The following ERG variants were observed in gnomAD, a reference collection of about 807,000 sequenced individuals.
The protein encoded by ERG is transcriptional regulator ERG.
A neutral mutation model predicts 55.3 loss-of-function variants in ERG; 9 were observed. The ratio of observed to expected loss-of-function variants is 0.16; its 90% confidence interval spans 0.10 to 0.28. The LOEUF (loss-of-function observed/expected upper bound fraction) is 0.28. ERG is among the 10% of genes least tolerant of loss of function. The pLI is 1.00. For missense variants in ERG, 434 were observed against 631.6 expected (o/e 0.69, Z 3.35); for synonymous variants, 223 against 237.3 (o/e 0.94, Z 0.55).
rs73440492 is a variant in ERG at position 38,613,493 on chromosome 21, G to A, written c.-149-28548C>T. On this transcript the variant is annotated intron_variant, in intron 1 of 10. Coordinates refer to the ERG transcript ENST00000398910. ...CTTTGTTTGCAGTAGGTTGTTCATC[G>A]TTTTCATGAGAACATAAGGGCCCTC... is the stretch of plus-strand genomic sequence containing the variant. 8.6e-3 allele frequency among the ~76,000 whole-genome samples: 1,305 copies of A among 152,292 alleles called. 19 individuals carry two copies. Among genetic ancestry groups the A allele is most frequent in the African/African-American group, 0.029 (1,223 of 41,548 alleles).
intron 1 of ERG, among the ~76,000 whole-genome samples, chr21:38,637,198 A>G (rs766045981): frequency 6.6e-6 from 1 of 151,484 alleles, no homozygotes; most frequent in Non-Finnish European, 1.5e-5. Context: ...GTCTCCTGAA[A>G]TGTGTGTGTG....
chr21:38,481,514 G>A (rs1713195573), intron 1 of ERG, among the ~76,000 whole-genome samples: 1 of 152,076 alleles, frequency 6.6e-6, no homozygotes, highest in South Asian at 2.1e-4. Flanking sequence ...ATAATATGCT[G>A]GATAATCTTA....
chr21:38,369,436 A>G, the ERG span, among the ~76,000 whole-genome samples: 1 of 152,204 alleles, frequency 6.6e-6, no homozygotes. Flanking sequence ...GTGTCTGTTC[A>G]TGACCTTTGC....
chr21:38,394,828 T>C (rs1302059171), intron 6 of ERG, among the ~76,000 whole-genome samples: 1 of 152,150 alleles, frequency 6.6e-6, no homozygotes, highest in Non-Finnish European at 1.5e-5. Flanking sequence ...CTAGATGGAT[T>C]GCTTTTACCC....
intron 1 of ERG, among the ~76,000 whole-genome samples, chr21:38,661,376 G>A (rs764648362): frequency 6.6e-6 from 1 of 152,210 alleles, no homozygotes; most frequent in Non-Finnish European, 1.5e-5. Flanking sequence ...CTGGGACGAC[G>A]TCGCGCAGAG....
intron 2 of ERG, among the ~76,000 whole-genome samples, chr21:38,504,923 A>G (rs1241943085): frequency 6.6e-6 from 1 of 152,244 alleles, no homozygotes; most frequent in Admixed American, 6.5e-5. Context: ...TTTATGAATT[A>G]TTTTTAAAGA....
intron 2 of ERG, among the ~76,000 whole-genome samples, chr21:38,444,419 A>G (rs1247148173): frequency 1.3e-5 from 2 of 152,224 alleles, no homozygotes; most frequent in African/African-American, 2.4e-5. Context: ...TGTACACAGT[A>G]AAGTTTCCGA....
At chr21:38,426,198 A>G (rs1989818028) in intron 2 of ERG, among the ~76,000 whole-genome samples, 1 of 151,896 alleles carries the variant, frequency 6.6e-6, no homozygotes, top group African/African-American at 2.4e-5. Context: ...GATCCTGAAT[A>G]TTTCCACCGC....
At chr21:38,421,149 G>A (rs931813880) in intron 3 of ERG, among the ~76,000 whole-genome samples, 7 of 152,180 alleles carry the variant, frequency 4.6e-5, no homozygotes, top group African/African-American at 1.7e-4. Flanking sequence ...ACAGCCCCCT[G>A]TTCTGAGGCA....
At chr21:38,621,664 T>TA (rs1284114714) in intron 1 of ERG, among the ~76,000 whole-genome samples, 1 of 152,102 alleles carries the variant, frequency 6.6e-6, no homozygotes, top group Admixed American at 6.5e-5. Context: ...AGCTGACTAA[T>TA]ACAAAAATAA....
intron 2 of ERG, among the ~76,000 whole-genome samples, chr21:38,442,470 C>G (rs1452333706): frequency 6.6e-6 from 1 of 152,238 alleles, no homozygotes; most frequent in African/African-American, 2.4e-5. Context: ...ACCCTCAGCG[C>G]AGCACCAGCC....
chr21:38,474,786 C>G (rs753637579), intron 1 of ERG, among the ~76,000 whole-genome samples: 1 of 151,684 alleles, frequency 6.6e-6, no homozygotes, highest in South Asian at 2.1e-4. Context: ...TGATAAGAAG[C>G]CTTTAGCCTA....
chr21:38,610,812 C>T (rs780330614), intron 1 of ERG, among the ~76,000 whole-genome samples: 7 of 152,166 alleles, frequency 4.6e-5, no homozygotes, highest in East Asian at 1.9e-4. Flanking sequence ...CTGTCCTTGG[C>T]GAGGTCCTAC....
the ERG span, among the ~76,000 whole-genome samples, chr21:38,374,172 C>T: frequency 1.3e-5 from 2 of 152,228 alleles, no homozygotes; most frequent in Non-Finnish European, 2.9e-5. Context: ...TGTGCTCCAA[C>T]CCTTCTTCAT....
chr21:38,637,827 G>C (rs867551754), intron 1 of ERG, among the ~76,000 whole-genome samples: 2 of 152,226 alleles, frequency 1.3e-5, no homozygotes, highest in South Asian at 4.2e-4. Context: ...GTGTGTGTGT[G>C]TGTGTGTGTA....
At chr21:38,495,870 C>G (rs185388087) in intron 1 of ERG, among the ~76,000 whole-genome samples, 126 of 152,282 alleles carry the variant, frequency 8.3e-4, no homozygotes, top group Non-Finnish European at 1.4e-3. Context: ...ACAGTGGGGC[C>G]GGTGAGGTTC....
intron 1 of ERG, among the ~76,000 whole-genome samples, chr21:38,608,518 G>A (rs2060208669): frequency 6.6e-6 from 1 of 152,186 alleles, no homozygotes; most frequent in Admixed American, 6.5e-5. Flanking sequence ...TCATTATAGA[G>A]AGAGGTTGTC....
Position 38,531,766 on chromosome 21 carries a change from G to A in ERG, c.-41+43896C>T, listed in dbSNP as rs957903636. Among the ~76,000 whole-genome samples the A allele has an allele frequency of 3.9e-5, 6 of 152,242 alleles. No homozygotes were observed. The East Asian group carries it at 5.8e-4, about 15-fold the overall frequency. On this transcript the variant is annotated intron_variant, in intron 2 of 8. Transcript: ENST00000398897. ...ATGAACAAAGATGGGAAAAATGTCC[G>A]CAGCATTCTGCAGAGTCAAGCGCTG...
At chr21:38,528,433 C>CT (rs869069278) in intron 2 of ERG, among the ~76,000 whole-genome samples, 346 of 23,472 alleles carry the variant, frequency 0.015, 129 homozygotes, top group East Asian at 0.024. Flanking sequence ...CCATAGCAAA[C>CT]TTTTTTTTTT....
Sources: allele counts gnomAD v4.1 joint callset (sites outside exome capture counted in the v4.1 genomes callset), GRCh38; gene constraint gnomAD v4.1.1; transcripts MANE v1.5; gene names NCBI Gene and HGNC (gene_info 2026-07-23, HGNC 2026-07-21).